Variants in KCNMB4 observed in about 807,000 individuals in gnomAD.
KCNMB4 encodes the protein potassium calcium-activated channel subfamily M regulatory beta subunit 4.
A neutral mutation model predicts 20.7 loss-of-function variants in KCNMB4; 3 were observed. That is an observed-to-expected ratio of 0.14 (90% CI 0.07 to 0.37). The LOEUF (loss-of-function observed/expected upper bound fraction) is 0.37, where lower values mean the gene tolerates loss of function less well. Ranked by LOEUF, KCNMB4 falls within the 10% of genes least tolerant of loss-of-function variation. The pLI is 1.00. For synonymous variants in KCNMB4, 110 were observed against 113.4 expected, an observed-to-expected ratio of 0.97 and a Z score of 0.19; for missense variants, 168 against 265.9, an observed-to-expected ratio of 0.63 and a Z score of 2.56.
intron 1 of KCNMB4, among the ~76,000 whole-genome samples, chr12:70,391,358 A>G (rs1449519513): frequency 6.6e-6 from 1 of 151,934 alleles, no homozygotes; most frequent in East Asian, 1.9e-4. Context: ...GCTGGAGTGC[A>G]GTGGCACAAT....
In KCNMB4 at chr12:70,386,598, T is replaced by C. The variant is rs936455349; in HGVS notation, c.337-13611T>C. Reference sequence around the variant, plus strand: ...AGCCTTTTTGTTTGTTTGTTTGTTGTTTTTTTTTTTTTTAAGGAGATGGGG... The same window carrying C: ...AGCCTTTTTGTTTGTTTGTTTGTTGCTTTTTTTTTTTTTAAGGAGATGGGG... On this transcript the variant is annotated intron_variant, in intron 1 of 2. Coordinates refer to ENST00000258111, the MANE Select transcript of KCNMB4 (RefSeq NM_014505.6). Among the ~76,000 whole-genome samples the C allele has an allele frequency of 5.8e-5, 4 of 69,356 alleles. No homozygotes were observed. The East Asian group carries it at 1.0e-3, about 17-fold the overall frequency. The allele number at this position is 69,356 out of a possible 152,430, so 45.5% of individuals were successfully genotyped here.
intron 1 of KCNMB4, among the ~76,000 whole-genome samples, chr12:70,397,163 G>C (rs1868361258): frequency 6.6e-6 from 1 of 152,120 alleles, no homozygotes; most frequent in Non-Finnish European, 1.5e-5. Flanking sequence ...AGACCAGCCT[G>C]GACAACCAAA....
At chr12:70,377,713 C>A (rs1277777735) in intron 1 of KCNMB4, among the ~76,000 whole-genome samples, 1 of 152,202 alleles carries the variant, frequency 6.6e-6, no homozygotes, top group Admixed American at 6.5e-5. Context: ...TCAGTCCTCT[C>A]AAATCCCTCC....
intron 1 of KCNMB4, among the ~76,000 whole-genome samples, chr12:70,384,058 GATTCCATCTCAAAACAAACAAAA>G (rs1387235249): frequency 3.3e-5 from 5 of 152,114 alleles, no homozygotes; most frequent in African/African-American, 1.2e-4. Flanking sequence ...GACAGAGCAA[GATTCCATCTCAAAACAAACAAAA>G]AACACCAGTC....
At chr12:70,411,077 G>A (rs1464623293) in intron 2 of KCNMB4, among the ~76,000 whole-genome samples, 2 of 152,138 alleles carry the variant, frequency 1.3e-5, no homozygotes, top group East Asian at 3.9e-4. Context: ...TTAGGGTTTA[G>A]TTTTCTTAAC....
At chr12:70,380,745 G>T (rs1883771756) in intron 1 of KCNMB4, among the ~76,000 whole-genome samples, 1 of 152,026 alleles carries the variant, frequency 6.6e-6, no homozygotes, top group Admixed American at 6.5e-5. Flanking sequence ...TCAATCAGTG[G>T]TGCTTGAACA....
intron 1 of KCNMB4, among the ~76,000 whole-genome samples, chr12:70,393,495 C>T (rs1424994961): frequency 6.6e-6 from 1 of 152,134 alleles, no homozygotes; most frequent in East Asian, 1.9e-4. Context: ...GCCACCACGC[C>T]CCGCCGTGTT....
intron 2 of KCNMB4, among the ~76,000 whole-genome samples, chr12:70,406,758 C>T (rs920897635): frequency 6.6e-6 from 1 of 152,110 alleles, no homozygotes; most frequent in African/African-American, 2.4e-5. Flanking sequence ...GTAAGGGCTG[C>T]CTCCCCCTGA....
At chr12:70,369,962 C>T (rs1407072229) in intron 1 of KCNMB4, among the ~76,000 whole-genome samples, 3 of 152,166 alleles carry the variant, frequency 2.0e-5, no homozygotes, top group Admixed American at 6.5e-5. Context: ...AGTCACTGCA[C>T]TATCTCTTGG....
rs1018260896 is a variant in KCNMB4, at chr12:70,429,454, C to T, written c.465-1031C>T. ...GGCCGAGGAGGGCGGATCACGAGGT[C>T]AGGAGATCGAGACCATCCGGGCTAA... On this transcript the variant is annotated intron_variant, in intron 2 of 2. Coordinates refer to ENST00000258111, the MANE Select transcript of KCNMB4 (RefSeq NM_014505.6). 3.0e-4 allele frequency among the ~76,000 whole-genome samples: 46 copies of T among 152,216 alleles called. 1 individual carries two copies. Among genetic ancestry groups the T allele is most frequent in the African/African-American group, 9.9e-4 (41 of 41,538 alleles).
chr12:70,408,849 G>A (rs1868688787), intron 2 of KCNMB4, among the ~76,000 whole-genome samples: 1 of 151,790 alleles, frequency 6.6e-6, no homozygotes, highest in Non-Finnish European at 1.5e-5. Flanking sequence ...TCTTTCCCTG[G>A]CTTATTCCTT....
At chr12:70,404,799 C>T (rs1370260562) in intron 2 of KCNMB4, among the ~76,000 whole-genome samples, 1 of 152,146 alleles carries the variant, frequency 6.6e-6, no homozygotes, top group Admixed American at 6.6e-5. Context: ...CCAGAAGATG[C>T]TTTGAAAGAG....
chr12:70,391,041 T>C (rs1868294901), intron 1 of KCNMB4, among the ~76,000 whole-genome samples: 1 of 152,198 alleles, frequency 6.6e-6, no homozygotes, highest in Non-Finnish European at 1.5e-5. Context: ...GCTTTAAGTA[T>C]AAACCAGCCC....
chr12:70,397,439 A>G (rs1478354293), intron 1 of KCNMB4, among the ~76,000 whole-genome samples: 2 of 152,218 alleles, frequency 1.3e-5, no homozygotes, highest in Non-Finnish European at 2.9e-5. Context: ...CACTCTTTGG[A>G]AAGAATGCAG....
intron 2 of KCNMB4, among the ~76,000 whole-genome samples, chr12:70,417,103 T>G (rs1294241860): frequency 1.3e-5 from 2 of 152,164 alleles, no homozygotes; most frequent in African/African-American, 4.8e-5. Context: ...AAATAAATTG[T>G]GGTGATGGGT....
chr12:70,375,479 T>TAAAA (rs72220922), intron 1 of KCNMB4, among the ~76,000 whole-genome samples: 1 of 146,974 alleles, frequency 6.8e-6, no homozygotes. Context: ...CTACAAAAAT[T>TAAAA]AAAAAAAAAA....
intron 2 of KCNMB4, among the ~76,000 whole-genome samples, chr12:70,402,815 A>G (rs1868492445): frequency 1.3e-5 from 2 of 152,180 alleles, no homozygotes; most frequent in African/African-American, 4.8e-5. Context: ...TTTCACAGTT[A>G]TAATATAGTT....
intron 1 of KCNMB4, among the ~76,000 whole-genome samples, chr12:70,397,041 A>G (rs1023137380): frequency 6.6e-6 from 1 of 152,206 alleles, no homozygotes; most frequent in African/African-American, 2.4e-5. Flanking sequence ...ATGATTTTTA[A>G]GAATTTGATG....
intron 1 of KCNMB4, among the ~76,000 whole-genome samples, chr12:70,371,772 T>G (rs1053402850): frequency 6.6e-6 from 1 of 152,226 alleles, no homozygotes; most frequent in African/African-American, 2.4e-5. Flanking sequence ...ACACGTATCC[T>G]GAGCTATGTG....
Sources: gnomAD v4.1 joint callset for allele counts (sites outside exome capture counted in the v4.1 genomes callset) on GRCh38, gnomAD v4.1.1 for gene constraint, MANE v1.5 for transcripts, NCBI Gene and HGNC (gene_info 2026-07-23, HGNC 2026-07-21) for gene names.